WWOX: variants seen among roughly 807,000 people sequenced by gnomAD.
WWOX encodes WW domain containing oxidoreductase.
Under a neutral mutation model 46.2 loss-of-function variants are expected in WWOX, and 69 were observed. The observed-to-expected ratio is 1.49, with a 90% CI of 1.23 to 1.82. The LOEUF (loss-of-function observed/expected upper bound fraction) is 1.82. Ranked by LOEUF, WWOX falls within the 40% of genes most tolerant of loss-of-function variation. The pLI, the probability that WWOX is intolerant of heterozygous loss-of-function variation, is 0.00. For missense variants in WWOX, 919 were observed against 542.6 expected (o/e 1.69, Z -6.89); for synonymous variants, 359 against 202.6 (o/e 1.77, Z -6.56).
intron 6 of WWOX, among the ~76,000 whole-genome samples, chr16:78,412,940 T>G (rs1008552301): frequency 6.6e-6 from 1 of 152,202 alleles, no homozygotes; most frequent in Non-Finnish European, 1.5e-5. Context: ...TTTTTTACCC[T>G]CTTTGTTTTC....
chr16:78,963,406 C>T (rs905451760), intron 8 of WWOX, among the ~76,000 whole-genome samples: 3 of 152,136 alleles, frequency 2.0e-5, no homozygotes. Context: ...GAGATTGAAG[C>T]TGCAGTGAAC....
At chr16:78,177,168 G>C (rs1447377133) in intron 5 of WWOX, among the ~76,000 whole-genome samples, 1 of 152,152 alleles carries the variant, frequency 6.6e-6, no homozygotes, top group Non-Finnish European at 1.5e-5. Context: ...AAAAGGGCGG[G>C]TACACATTTT....
At chr16:78,434,478 T>C (rs573531310) in intron 8 of WWOX, among the ~76,000 whole-genome samples, 7 of 152,336 alleles carry the variant, frequency 4.6e-5, no homozygotes, top group African/African-American at 1.7e-4. Context: ...GGATCTGAAC[T>C]GGGTGCCAGT....
chr16:78,145,464 C>T (rs1288130235), intron 4 of WWOX, among the ~76,000 whole-genome samples: 1 of 152,120 alleles, frequency 6.6e-6, no homozygotes, highest in African/African-American at 2.4e-5. Context: ...AAGGATCCAG[C>T]ATGGGAGAAA....
At chr16:79,008,448 CAG>C (rs534552775) in intron 8 of WWOX, among the ~76,000 whole-genome samples, 16 of 152,270 alleles carry the variant, frequency 1.1e-4, no homozygotes, top group South Asian at 8.3e-4. Context: ...CTAACTCACT[CAG>C]GGGGGCAAAT....
At chr16:78,878,983 C>T (rs2044288163) in intron 8 of WWOX, among the ~76,000 whole-genome samples, 1 of 150,802 alleles carries the variant, frequency 6.6e-6, no homozygotes, top group Non-Finnish European at 1.5e-5. Flanking sequence ...GGGAGGATCG[C>T]TTGAGCCCAG....
chr16:78,873,723 A>C (rs1375372918), intron 8 of WWOX, among the ~76,000 whole-genome samples: 3 of 152,182 alleles, frequency 2.0e-5, no homozygotes, highest in Admixed American at 2.0e-4. Context: ...CGGAAGTTCA[A>C]GGCTGCAGAG....
At chr16:78,634,658 A>G (rs1965619908) in intron 8 of WWOX, among the ~76,000 whole-genome samples, 1 of 150,516 alleles carries the variant, frequency 6.6e-6, no homozygotes, top group South Asian at 2.1e-4. Context: ...GTGAGCCAAG[A>G]TTGCGCCACT....
rs141053503 is a variant in WWOX, at chr16:79,170,633, A to G, written c.1057-40975A>G. Among the ~76,000 whole-genome samples the G allele has an allele frequency of 2.0e-5, 3 of 151,732 alleles. No individual in the cohort carries two copies. In the East Asian group the frequency reaches 5.9e-4, roughly 30 times the overall value. Reference sequence around the variant, plus strand: ...TTTTTACTTAAACCACACAAATTAAAAAATGGAACTCACTTTCACAGTCAA... The same window carrying G: ...TTTTTACTTAAACCACACAAATTAAGAAATGGAACTCACTTTCACAGTCAA... On this transcript the variant is annotated intron_variant, in intron 8 of 8. Transcript: ENST00000566780.
chr16:78,606,756 T>G (rs1470339235), intron 8 of WWOX, among the ~76,000 whole-genome samples: 2 of 146,460 alleles, frequency 1.4e-5, no homozygotes, highest in African/African-American at 5.2e-5. Flanking sequence ...TAGGGGACGC[T>G]ATTGTCATTC....
intron 8 of WWOX, among the ~76,000 whole-genome samples, chr16:78,763,269 G>A (rs991223675): frequency 2.0e-5 from 3 of 152,124 alleles, no homozygotes; most frequent in African/African-American, 7.2e-5. Context: ...TGCAAATTTT[G>A]GTATGTTGTA....
At chr16:79,113,640 C>T (rs971524117) in intron 8 of WWOX, among the ~76,000 whole-genome samples, 19 of 152,346 alleles carry the variant, frequency 1.2e-4, no homozygotes, top group Admixed American at 8.5e-4. Context: ...GAAGGAAGGG[C>T]TGACCATAAG....
At chr16:79,204,855 C>T (rs1233280286) in intron 8 of WWOX, 1 of 152,218 alleles carries the variant, frequency 6.6e-6, no homozygotes, top group Non-Finnish European at 1.5e-5. Context: ...GGTCTCCAGG[C>T]TCGTTCCTGC....
At chr16:79,065,103 A>G (rs555051636) in intron 8 of WWOX, among the ~76,000 whole-genome samples, 3 of 152,142 alleles carry the variant, frequency 2.0e-5, no homozygotes, top group Non-Finnish European at 4.4e-5. Flanking sequence ...ACTTATTATT[A>G]GTGTTCTTGT....
At chr16:78,880,845 G>A (rs5019006) in intron 8 of WWOX, among the ~76,000 whole-genome samples, 56,362 of 151,920 alleles carry the variant, frequency 0.37, 11,554 homozygotes, top group Non-Finnish European at 0.46. Context: ...ATCAGTTCAC[G>A]ATTCAGAGAA....
chr16:78,675,090 C>T (rs550738202), intron 8 of WWOX, among the ~76,000 whole-genome samples: 55 of 152,200 alleles, frequency 3.6e-4, no homozygotes, highest in African/African-American at 1.2e-3. Flanking sequence ...CTAGGCAAGG[C>T]GCTGTGCTGA....
chr16:79,011,134 T>TCC (rs2047296582), intron 8 of WWOX, among the ~76,000 whole-genome samples: 3 of 80,448 alleles, frequency 3.7e-5, no homozygotes, highest in Middle Eastern at 0.013. Context: ...CACTCACACA[T>TCC]CCACACACAC....
At chr16:78,649,867 A>G (rs1384858912) in intron 8 of WWOX, among the ~76,000 whole-genome samples, 1 of 152,214 alleles carries the variant, frequency 6.6e-6, no homozygotes, top group Non-Finnish European at 1.5e-5. Flanking sequence ...TGTCTTCCAC[A>G]TATGGTATAA....
At chr16:78,969,332 C>G (rs895364252) in intron 8 of WWOX, among the ~76,000 whole-genome samples, 3 of 150,958 alleles carry the variant, frequency 2.0e-5, no homozygotes, top group Non-Finnish European at 4.4e-5. Flanking sequence ...TACAATGGTG[C>G]TATCTTGGCC....
Sources: allele counts gnomAD v4.1 joint callset (sites outside exome capture counted in the v4.1 genomes callset), GRCh38; gene constraint gnomAD v4.1.1; transcripts MANE v1.5; gene names NCBI Gene and HGNC (gene_info 2026-07-23, HGNC 2026-07-21).